PTPRZ1: variants seen among roughly 807,000 people sequenced by gnomAD.
The protein encoded by PTPRZ1 is protein tyrosine phosphatase receptor type Z1.
PTPRZ1 carries 82 observed loss-of-function variants against 214.1 expected under a neutral mutation model. That is an observed-to-expected ratio of 0.38 (90% CI 0.32 to 0.46). PTPRZ1 has a LOEUF of 0.46. Ranked by LOEUF, PTPRZ1 falls within the 20% of genes least tolerant of loss-of-function variation. The pLI is 1.00. For synonymous variants in PTPRZ1, 945 were observed against 987.9 expected, an observed-to-expected ratio of 0.96 and a Z score of 0.81; for missense variants, 2,603 against 2,748.7, an observed-to-expected ratio of 0.95 and a Z score of 1.19.
At chr7:121,905,878 G>T (rs1420890728) in intron 1 of PTPRZ1, among the ~76,000 whole-genome samples, 2 of 152,054 alleles carry the variant, frequency 1.3e-5, no homozygotes, top group Non-Finnish European at 2.9e-5. Context: ...CACCCTGTTG[G>T]TATCCCTTTC....
At chr7:121,955,813 A>G (rs1796688722) in intron 2 of PTPRZ1, among the ~76,000 whole-genome samples, 1 of 151,902 alleles carries the variant, frequency 6.6e-6, no homozygotes, top group Non-Finnish European at 1.5e-5. Context: ...AGCAACAAGA[A>G]CTCTCTGTTG....
At chr7:121,987,661 A>G (rs1797798820) in intron 8 of PTPRZ1, among the ~76,000 whole-genome samples, 1 of 152,156 alleles carries the variant, frequency 6.6e-6, no homozygotes, top group Non-Finnish European at 1.5e-5. Context: ...ATGATTAGTG[A>G]TGGTGAGTAG....
chr7:121,935,857 C>T (rs1035038906), intron 2 of PTPRZ1, among the ~76,000 whole-genome samples: 2 of 152,118 alleles, frequency 1.3e-5, no homozygotes, highest in African/African-American at 4.8e-5. Context: ...TATGAGCCAC[C>T]TCGCAGAGCC....
chr7:121,918,576 G>A (rs1238347614), intron 1 of PTPRZ1, among the ~76,000 whole-genome samples: 2 of 151,954 alleles, frequency 1.3e-5, no homozygotes, highest in Non-Finnish European at 2.9e-5. Context: ...GATTTCAAAT[G>A]TTTCTTTACA....
intron 1 of PTPRZ1, among the ~76,000 whole-genome samples, chr7:121,883,629 G>A (rs1158106621): frequency 1.3e-5 from 2 of 152,146 alleles, no homozygotes; most frequent in African/African-American, 2.4e-5. Flanking sequence ...GGCAGTTTTC[G>A]TTGTTGCTGT....
rs375017227 is a variant in PTPRZ1, at chr7:122,059,921, C to T, written c.6807+33C>T. 1.9e-6 allele frequency: 3 copies of T among 1,598,320 alleles called. No homozygotes were observed. The African/African-American group carries it at 4.1e-5, about 22-fold the overall frequency. On this transcript the variant is annotated intron_variant, in intron 29 of 29. Coordinates refer to ENST00000393386, the MANE Select transcript of PTPRZ1 (RefSeq NM_002851.3). ...ACAAGGCAGTGAACGAAATTTTTCA[C>T]TGATAGAGTACAACTAACTTCCTAG...
intron 2 of PTPRZ1, among the ~76,000 whole-genome samples, chr7:121,952,370 G>A (rs1430987516): frequency 6.6e-6 from 1 of 152,064 alleles, no homozygotes; most frequent in Non-Finnish European, 1.5e-5. Flanking sequence ...GATTGCTTGA[G>A]GCCAGAAGTA....
At chr7:121,914,763 T>C (rs977690665) in intron 1 of PTPRZ1, among the ~76,000 whole-genome samples, 20 of 152,136 alleles carry the variant, frequency 1.3e-4, no homozygotes, top group African/African-American at 4.6e-4. Context: ...CAATGCCTTT[T>C]CTTCTTGAGG....
chr7:121,998,546 T>C (rs1160576432), intron 10 of PTPRZ1, among the ~76,000 whole-genome samples: 7 of 152,142 alleles, frequency 4.6e-5, no homozygotes, highest in African/African-American at 1.4e-4. Context: ...TTCCCAAAAA[T>C]AAGACAAACA....
At chr7:121,879,848 TATCCTTCATTCCTTTA>T (rs1327100521) in intron 1 of PTPRZ1, among the ~76,000 whole-genome samples, 4 of 152,002 alleles carry the variant, frequency 2.6e-5, no homozygotes, top group Non-Finnish European at 4.4e-5. Flanking sequence ...TTCCTCCTTT[TATCCTTCATTCCTTTA>T]ATCCTTCCTT....
chr7:122,033,995 G>GT (rs1234644865), intron 15 of PTPRZ1, 100 bp from the exon 16 acceptor site: 1 of 1,059,406 alleles, frequency 9.4e-7, no homozygotes, highest in East Asian at 2.4e-5. Context: ...CATGATCATA[G>GT]TTTTCCATTG....
chr7:121,924,304 G>A (rs1371027576), intron 1 of PTPRZ1, among the ~76,000 whole-genome samples: 1 of 152,082 alleles, frequency 6.6e-6, no homozygotes, highest in East Asian at 1.9e-4. Flanking sequence ...GGTTTTCAAA[G>A]TATATAATGC....
intron 23 of PTPRZ1, among the ~76,000 whole-genome samples, chr7:122,049,442 TAG>T (rs1342863936): frequency 6.6e-6 from 1 of 152,020 alleles, no homozygotes; most frequent in Non-Finnish European, 1.5e-5. Flanking sequence ...TTTCTTTAGT[TAG>T]AGTTTAATAA....
At chr7:121,988,694 A>C (rs1477260912) in intron 8 of PTPRZ1, among the ~76,000 whole-genome samples, 1 of 152,224 alleles carries the variant, frequency 6.6e-6, no homozygotes, top group Non-Finnish European at 1.5e-5. Flanking sequence ...AATGGTGAAT[A>C]AGTGAATGAA....
chr7:121,983,684 T>G lies in PTPRZ1; in HGVS notation c.639T>G (p.Asp213Glu). 1 of 1,612,770 alleles carries G rather than the reference T, an allele frequency of 6.2e-7. No homozygotes were observed. Among genetic ancestry groups the G allele is most frequent in the Non-Finnish European group, 8.5e-7 (1 of 1,179,610 alleles). ...VSRFGKQAAL[D>E]PFILLNLLPN... The stretch of plus-strand genomic sequence containing the variant: ...TTTTAGGGAAGCAGGCTGCTTTAGA[T>G]CCATTCATACTGTTGAACCTTCTGC... Residue 213 changes from aspartate to glutamate, a missense_variant, in exon 7 of 30, where the codon GAT becomes GAG. Transcript: ENST00000393386.
chr7:122,033,958 G>A (rs1365090753), intron 15 of PTPRZ1, 137 bp from the exon 16 acceptor site: 2 of 709,038 alleles, frequency 2.8e-6, no homozygotes, highest in Admixed American at 3.0e-5. Flanking sequence ...ATTCTGTTGT[G>A]TTAGTATTTG....
intron 8 of PTPRZ1, among the ~76,000 whole-genome samples, chr7:121,994,615 A>G (rs1798079780): frequency 6.6e-6 from 1 of 152,140 alleles, no homozygotes; most frequent in Non-Finnish European, 1.5e-5. Context: ...TCTACAAATG[A>G]TATTGTCCAG....
At chr7:121,933,255 A>T (rs563397159) in intron 2 of PTPRZ1, among the ~76,000 whole-genome samples, 1 of 151,910 alleles carries the variant, frequency 6.6e-6, no homozygotes, top group South Asian at 2.1e-4. Context: ...CTTCTTTTCG[A>T]GTTGTTAGAT....
intron 2 of PTPRZ1, among the ~76,000 whole-genome samples, chr7:121,955,227 G>T (rs1176151853): frequency 6.6e-6 from 1 of 152,188 alleles, no homozygotes; most frequent in Non-Finnish European, 1.5e-5. Flanking sequence ...AGCCCTGATG[G>T]TAGTGTCACT....
Sources: gnomAD v4.1 joint callset for allele counts (sites outside exome capture counted in the v4.1 genomes callset) on GRCh38, gnomAD v4.1.1 for gene constraint, MANE v1.5 for transcripts, NCBI Gene and HGNC (gene_info 2026-07-23, HGNC 2026-07-21) for gene names.